Variants in GRXCR1 observed in about 807,000 individuals in gnomAD.
The protein encoded by GRXCR1 is glutaredoxin and cysteine rich domain containing 1.
GRXCR1 carries 27 observed loss-of-function variants against 27.3 expected under a neutral mutation model. That is an observed-to-expected ratio of 0.99 (90% CI 0.73 to 1.37). GRXCR1 has a LOEUF of 1.37. Among genes scored for constraint, GRXCR1 ranks in the 40% most tolerant of loss-of-function variants. The pLI is 0.00. For synonymous variants in GRXCR1, 122 were observed against 131.1 expected (o/e 0.93, Z 0.47); for missense variants, 379 against 354.4 (o/e 1.07, Z -0.56).
In GRXCR1 at chr4:42,915,623, C is replaced by T. The variant is rs576700791; in HGVS notation, c.384+21973C>T. On this transcript the variant is annotated intron_variant, in intron 1 of 3. Transcript: ENST00000399770. ...CTTGGCTCAGGTCCTATTTGCAAAGCTCTGTGTGTATCTTGACACGTCTCA... is the reference window on the plus strand; with the variant it reads ...CTTGGCTCAGGTCCTATTTGCAAAGTTCTGTGTGTATCTTGACACGTCTCA... Among the ~76,000 whole-genome samples, 52 of 152,126 alleles carry T rather than the reference C, an allele frequency of 3.4e-4. No homozygotes were observed. The South Asian group carries it at 0.01, about 30-fold the overall frequency.
rs376881585 is a variant in GRXCR1 at position 42,926,492 on chromosome 4, C to CT, written c.384+32843dup. ...CTCACCATTCACAGATTTGGGAATA[C>CT]TGTTTTTTTTTTCCAACTTTTGGAA... On this transcript the variant is annotated intron_variant, in intron 1 of 3. Transcript: ENST00000399770. 8.2e-4 allele frequency among the ~76,000 whole-genome samples: 117 copies of CT among 142,678 alleles called. 7 individuals are homozygous for CT. Among genetic ancestry groups the CT allele is most frequent in the Middle Eastern group, 3.7e-3 (1 of 272 alleles). 93.6% of individuals were successfully genotyped at this position (142,678 alleles called of 152,430 possible).
intron 2 of GRXCR1, among the ~76,000 whole-genome samples, chr4:43,011,261 T>C (rs1207196752): frequency 6.6e-6 from 1 of 152,252 alleles, no homozygotes; most frequent in Non-Finnish European, 1.5e-5. Flanking sequence ...TTCCCTGGCC[T>C]ACCTGGAGTC....
intron 1 of GRXCR1, among the ~76,000 whole-genome samples, chr4:42,931,173 G>A (rs1364325032): frequency 6.6e-6 from 1 of 151,840 alleles, no homozygotes; most frequent in Non-Finnish European, 1.5e-5. Context: ...TAAACTTTCA[G>A]TAAGGCTGAA....
chr4:42,913,238 A>C (rs982179917), intron 1 of GRXCR1, among the ~76,000 whole-genome samples: 2 of 152,196 alleles, frequency 1.3e-5, no homozygotes, highest in Admixed American at 1.3e-4. Context: ...AACAGGAACA[A>C]GTTGGAACAC....
intron 1 of GRXCR1, among the ~76,000 whole-genome samples, chr4:42,929,282 C>A (rs1377211881): frequency 1.3e-5 from 2 of 152,018 alleles, no homozygotes; most frequent in Admixed American, 6.6e-5. Context: ...TAAGGATTCA[C>A]CCCAGCAGGC....
intron 2 of GRXCR1, among the ~76,000 whole-genome samples, chr4:43,006,146 T>C (rs936282273): frequency 6.6e-6 from 1 of 152,224 alleles, no homozygotes; most frequent in African/African-American, 2.4e-5. Context: ...CTGTCTTTAC[T>C]TTAATCTCTT....
intron 1 of GRXCR1, among the ~76,000 whole-genome samples, chr4:42,949,354 C>CAAAA (rs10622265): frequency 2.0e-4 from 16 of 81,112 alleles, no homozygotes; most frequent in South Asian, 1.2e-3. Flanking sequence ...GACTCCATCT[C>CAAAA]AAAAAAAAAA....
chr4:42,969,098 G>T (rs1195063115), intron 2 of GRXCR1, among the ~76,000 whole-genome samples: 1 of 152,046 alleles, frequency 6.6e-6, no homozygotes, highest in Non-Finnish European at 1.5e-5. Flanking sequence ...GGAGCCTTTG[G>T]TAAATTTGTT....
intron 2 of GRXCR1, among the ~76,000 whole-genome samples, chr4:42,995,936 A>C (rs1712142093): frequency 6.6e-6 from 1 of 152,164 alleles, no homozygotes; most frequent in Non-Finnish European, 1.5e-5. Context: ...TGTCATGCGA[A>C]AGGCTTTATC....
chr4:43,014,906 C>A (rs1373092168), intron 2 of GRXCR1, among the ~76,000 whole-genome samples: 1 of 152,144 alleles, frequency 6.6e-6, no homozygotes, highest in Non-Finnish European at 1.5e-5. Context: ...CCTGAAATCA[C>A]CACTGGACTT....
intron 2 of GRXCR1, among the ~76,000 whole-genome samples, chr4:42,972,661 C>G (rs1577926529): frequency 6.6e-6 from 1 of 152,154 alleles, no homozygotes; most frequent in African/African-American, 2.4e-5. Flanking sequence ...GTGAATGGCA[C>G]TGTTATCATC....
In GRXCR1 at chr4:43,026,994, G is replaced by A. The variant is rs184217283; in HGVS notation, c.694-3367G>A. 2.6e-4 allele frequency among the ~76,000 whole-genome samples: 40 copies of A among 152,266 alleles called. No homozygotes were observed. In the East Asian group the frequency reaches 7.3e-3, roughly 28 times the overall value. ...ACACATTTACTCTCCCTTTCTTACA[G>A]TGGCAAAACCTTAAACCAGAAGGCG... On this transcript the variant is annotated intron_variant, in intron 3 of 3. Transcript: ENST00000399770.
intron 2 of GRXCR1, among the ~76,000 whole-genome samples, chr4:42,974,767 G>A (rs1260677047): frequency 6.6e-6 from 1 of 152,096 alleles, no homozygotes; most frequent in African/African-American, 2.4e-5. Flanking sequence ...ATGCCTGGTT[G>A]GGGATCTTGG....
At chr4:42,991,362 C>T (rs1711968356) in intron 2 of GRXCR1, among the ~76,000 whole-genome samples, 1 of 151,642 alleles carries the variant, frequency 6.6e-6, no homozygotes, top group African/African-American at 2.4e-5. Flanking sequence ...TTTTTTCTTA[C>T]CATTCTTATG....
intron 2 of GRXCR1, among the ~76,000 whole-genome samples, chr4:42,993,818 T>A (rs1206124670): frequency 6.6e-6 from 1 of 152,158 alleles, no homozygotes; most frequent in Admixed American, 6.6e-5. Context: ...TTTCAACTAA[T>A]AAGTTACTTA....
At chr4:42,925,539 C>T (rs1577907899) in intron 1 of GRXCR1, among the ~76,000 whole-genome samples, 3 of 151,978 alleles carry the variant, frequency 2.0e-5, no homozygotes, top group Admixed American at 2.0e-4. Context: ...ATTTGGTTAT[C>T]ATTGCCATTT....
intron 1 of GRXCR1, among the ~76,000 whole-genome samples, chr4:42,939,662 G>T (rs1276710865): frequency 6.6e-6 from 1 of 152,052 alleles, no homozygotes; most frequent in East Asian, 1.9e-4. Flanking sequence ...CACCCATGCT[G>T]AGAAAGAATA....
intron 2 of GRXCR1, among the ~76,000 whole-genome samples, chr4:42,969,825 A>T (rs1253305766): frequency 6.6e-6 from 1 of 152,084 alleles, no homozygotes; most frequent in African/African-American, 2.4e-5. Context: ...TGCCTTCCCA[A>T]CCGTCCCCCA....
At chr4:42,951,669 T>C (rs532008949) in intron 1 of GRXCR1, among the ~76,000 whole-genome samples, 52 of 152,318 alleles carry the variant, frequency 3.4e-4, no homozygotes, top group African/African-American at 1.2e-3. Context: ...GTACTTCTGC[T>C]TCTAGATCTT....
Sources: allele counts gnomAD v4.1 joint callset (sites outside exome capture counted in the v4.1 genomes callset), GRCh38; gene constraint gnomAD v4.1.1; transcripts MANE v1.5; gene names NCBI Gene and HGNC (gene_info 2026-07-23, HGNC 2026-07-21).